The following TTN variants were observed in gnomAD, a reference collection of about 807,000 sequenced individuals.
The protein encoded by TTN is connectin.
A neutral mutation model predicts 3,223.0 loss-of-function variants in TTN; 1,525 were observed. That is an observed-to-expected ratio of 0.47 (90% CI 0.45 to 0.49). The LOEUF (loss-of-function observed/expected upper bound fraction) is 0.49, where lower values mean the gene tolerates loss of function less well. Among genes scored for constraint, TTN ranks in the 20% least tolerant of loss-of-function variants. TTN has a pLI of 0.00. For synonymous variants in TTN, 14,094 were observed against 15,161.0 expected, an observed-to-expected ratio of 0.93 and a Z score of 5.17; for missense variants, 40,786 against 43,424.0, an observed-to-expected ratio of 0.94 and a Z score of 5.40.
Position 178,719,967 on chromosome 2 carries a change from G to A in TTN, c.23659+16C>T, listed in dbSNP as rs767811341. Reference sequence around the variant, plus strand: ...AAGTAAATTGATTTTTTCTCTGGCTGTGCTTTGCTACTAACCTAGTACAGT... The same window carrying A: ...AAGTAAATTGATTTTTTCTCTGGCTATGCTTTGCTACTAACCTAGTACAGT... On this transcript the variant is annotated intron_variant, in intron 81 of 362. Transcript: ENST00000589042. 14 of 1,573,176 alleles carry A rather than the reference G, an allele frequency of 8.9e-6. No individual in the cohort carries two copies. In the South Asian group the frequency reaches 1.7e-4, roughly 19 times the overall value.
In TTN at chr2:178,634,624, C is replaced by T. The variant is rs759050071; in HGVS notation, c.42157G>A (p.Glu14053Lys). Residue 14053 changes from glutamate to lysine, a missense_variant, in exon 230 of 363, where the codon GAA becomes AAA. Glu to Lys is a moderately conservative substitution (Grantham distance 56). Transcript: ENST00000589042. The surrounding 1 kb of genome is among the most constrained non-coding windows in gnomAD (Gnocchi z 4.6). ...TTAILTVKEI[E>K]LDFAVPLKDV... is the part of the protein sequence containing the mutation. ...TTCAGGGGCACAGCAAAGTCAAGTT[C>T]GATTTCTGAAAATCAGACATTAAGA... The T allele has an allele frequency of 5.0e-6, 8 of 1,612,576 alleles. 1 individual carries two copies. In the African/African-American group the frequency reaches 5.4e-5, roughly 11 times the overall value.
intron 295 of TTN, among the ~76,000 whole-genome samples, chr2:178,594,957 TA>T (rs201928192): frequency 6.6e-6 from 1 of 151,298 alleles, no homozygotes; most frequent in Non-Finnish European, 1.5e-5. Context: ...AGTGGGAAAT[TA>T]AAAAAAAATC....
chr2:178,652,960 A>G (rs1053369822), intron 199 of TTN, 29 bp from the exon 200 acceptor site: 1 of 1,602,278 alleles, frequency 6.2e-7, no homozygotes, highest in Non-Finnish European at 8.5e-7. Flanking sequence ...AATTACATTT[A>G]GAAGTTTGAA....
At chr2:178,664,414 T>C in intron 168 of TTN, 46 bp downstream of exon 168, 2 of 1,435,120 alleles carry the variant, frequency 1.4e-6, no homozygotes, top group African/African-American at 1.4e-5. Flanking sequence ...GTCCTTTCTA[T>C]CGCCCCACCC....
rs760371027 is a variant in TTN at position 178,542,883 on chromosome 2, A to G, written c.96971T>C (p.Val32324Ala). The G allele has an allele frequency of 1.5e-5, 24 of 1,613,520 alleles. No individual in the cohort carries two copies. Among genetic ancestry groups the G allele is most frequent in the South Asian group, 2.2e-5 (2 of 91,066 alleles). ...KTIHVPAGRP[V>A]ELVIPIAGRP... ...GCCAGCAATAGGTATCACCAGCTCTACTGGTCTGCCAGCTGGGACATGGAT... is the reference window on the plus strand; with the variant it reads ...GCCAGCAATAGGTATCACCAGCTCTGCTGGTCTGCCAGCTGGGACATGGAT... The change falls in exon 348 of 363, where the codon GTA becomes GCA. Residue 32324 changes from valine to alanine, a missense_variant. Transcript: ENST00000589042.
rs796106605 is a variant in TTN, at chr2:178,799,515, C to T, written c.886G>A (p.Val296Met). 1.5e-5 allele frequency: 24 copies of T among 1,614,012 alleles called. No homozygotes were observed. The highest frequency in any genetic ancestry group is 2.0e-5 in the Non-Finnish European group (24 of 1,180,016). The change falls in exon 6 of 363, where the codon GTG (valine) becomes ATG (methionine). Residue 296 changes from valine (V) to methionine (M), a missense_variant. Coordinates refer to ENST00000589042, the MANE Select transcript of TTN (RefSeq NM_001267550.2). Reference sequence around the variant, plus strand: ...ACCGGAGATGGGGTCGGTGCCCGCACGTGTCTGACCGGGGAAGGGGAGTGT... The same window carrying T: ...ACCGGAGATGGGGTCGGTGCCCGCATGTGTCTGACCGGGGAAGGGGAGTGT... The part of the protein sequence containing the change: ...IRHSPSPVRH[V>M]RAPTPSPVRS...
intron 84 of TTN, 25 bp from the exon 85 acceptor site, chr2:178,718,625 A>G (rs1560645552): frequency 1.9e-6 from 3 of 1,603,968 alleles, no homozygotes; most frequent in Non-Finnish European, 2.6e-6. Flanking sequence ...CATGTGGGTA[A>G]AATTCTTGCC....
rs1226202295 is a variant in TTN at position 178,714,426 on chromosome 2, A to G, written c.26348T>C (p.Ile8783Thr). Residue 8783 changes from isoleucine to threonine, a missense_variant, in exon 91 of 363, where the codon ATA becomes ACA. Ile to Thr is a moderately conservative substitution (Grantham distance 89). Coordinates refer to ENST00000589042, the MANE Select transcript of TTN (RefSeq NM_001267550.2). ...AATGTTTTCTGAATAAGAAATCCAT[A>G]TGTTGTCACTTTCTCTAACGATTTC... ...KGEIVRESDN[I>T]WISYSENIAT... The G allele has an allele frequency of 1.2e-6, 2 of 1,613,778 alleles. No individual in the cohort carries two copies. The highest frequency in any genetic ancestry group is 2.2e-5 in the East Asian group (1 of 44,872).
intron 6 of TTN, 33 bp downstream of exon 6, chr2:178,799,454 T>A: frequency 6.2e-7 from 1 of 1,613,704 alleles, no homozygotes; most frequent in Non-Finnish European, 8.5e-7. Context: ...TTCCAAAATG[T>A]GCAATAATCT....
At chr2:178,681,802 A>G (rs1577347628) in intron 135 of TTN, 64 bp from the exon 136 acceptor site, 2 of 1,354,018 alleles carry the variant, frequency 1.5e-6, no homozygotes, top group African/African-American at 1.5e-5. Context: ...CATTTCTTAA[A>G]AGGAATCAAA....
chr2:178,800,395 C>A lies in TTN; in HGVS notation c.583G>T (p.Gly195Cys). Reference sequence around the variant, plus strand: ...CTGTTCCTCAACCTCCAGCACGTACCTTGAACCAGTAATTCAGCAGTCGAA... The same window carrying A: ...CTGTTCCTCAACCTCCAGCACGTACATTGAACCAGTAATTCAGCAGTCGAA... ...ATSTAELLVQ[G>C]EEEVPAKKTK... The change falls in exon 4 of 363, where the codon GGT (glycine) becomes TGT (cysteine). Residue 195 changes from glycine to cysteine, a missense_variant and splice_region_variant. Gly to Cys is a radical substitution (Grantham distance 159). Transcript: ENST00000589042. 4 of 1,614,144 alleles carry A rather than the reference C, an allele frequency of 2.5e-6. No homozygotes were observed. Among genetic ancestry groups the A allele is most frequent in the Non-Finnish European group, 3.4e-6 (4 of 1,179,996 alleles).
In TTN at chr2:178,611,616, A is replaced by T. The variant is rs773359946; in HGVS notation, c.50613T>A (p.Ile16871=). ...CATTTTTCTCTGGAGGCTTCCAAGC[A>T]ATGGCAATGTGTTTTCTCCCAGCAT... is the stretch of plus-strand genomic sequence containing the variant. The part of the protein sequence containing the change: ...VTDAGRKHIA[I]AWKPPEKNGG... Residue 16871 remains isoleucine (I), a synonymous_variant, in exon 269 of 363, where the codon ATT becomes ATA. Transcript: ENST00000589042. 6.2e-7 allele frequency: 1 copy of T among 1,613,076 alleles called. No individual in the cohort carries two copies. The highest frequency in any genetic ancestry group is 1.3e-5 in the African/African-American group (1 of 75,010).
In TTN at chr2:178,530,103, C is replaced by G. The variant is rs373369136; in HGVS notation, c.106388G>C (p.Gly35463Ala). 6.6e-5 allele frequency: 105 copies of G among 1,601,592 alleles called. No homozygotes were observed. Among genetic ancestry groups the G allele is most frequent in the Non-Finnish European group, 8.6e-5 (101 of 1,176,954 alleles). The stretch of plus-strand genomic sequence containing the variant: ...GTCTTCAGAGAGTTTATATTTACCT[C>G]CTTGTGTAATGGCCTGTAGAATGCA... ...WTKDGKAITQ[G>A]GKYKLSEDKG... Residue 35463 changes from glycine (G) to alanine (A), a missense_variant, in exon 359 of 363, where the codon GGA (glycine) becomes GCA (alanine). By Grantham distance (60) the Gly-to-Ala change is moderately conservative. Coordinates refer to ENST00000589042, the MANE Select transcript of TTN (RefSeq NM_001267550.2).
At position 178,652,838 on chromosome 2, in the gene TTN, T is replaced by G. The variant is rs1163182835; in HGVS notation, c.38959+10A>C. The G allele has an allele frequency of 6.2e-7, 1 of 1,609,916 alleles. No individual in the cohort carries two copies. The highest frequency in any genetic ancestry group is 1.7e-5 in the Admixed American group (1 of 59,192). On this transcript the variant is annotated intron_variant, in intron 200 of 362. Coordinates refer to ENST00000589042, the MANE Select transcript of TTN (RefSeq NM_001267550.2). ...TTGATCTTCTGAAGCCTAAAGCCAG[T>G]GACAAATACCTTTAACAGGAGGGAC... is the stretch of plus-strand genomic sequence containing the variant.
At position 178,567,462 on chromosome 2, in the gene TTN, T is replaced by C. The variant is rs1480422530; in HGVS notation, c.78670A>G (p.Thr26224Ala). The C allele has an allele frequency of 6.2e-7, 1 of 1,613,028 alleles. No homozygotes were observed. The highest frequency in any genetic ancestry group is 8.5e-7 in the Non-Finnish European group (1 of 1,179,428). The change falls in exon 326 of 363, where the codon ACC becomes GCC. Residue 26224 changes from threonine (T) to alanine (A), a missense_variant. By Grantham distance (58) the Thr-to-Ala change is moderately conservative. Coordinates refer to ENST00000589042, the MANE Select transcript of TTN (RefSeq NM_001267550.2). ...EADVHGKPLP[T>A]IEWLRGDKEI... ...TTATCTCCTCTTAACCACTCAATGG[T>C]AGGTAGGGGCTTTCCATGGACATCA...
intron 159 of TTN, among the ~76,000 whole-genome samples, chr2:178,668,228 A>G (rs936278537): frequency 6.6e-6 from 1 of 152,218 alleles, no homozygotes. Context: ...GAAAATTAAA[A>G]AAATTAAATA....
In TTN at chr2:178,701,430, C is replaced by G. The variant is rs530066369; in HGVS notation, c.30598+98G>C. The G allele has an allele frequency of 1.5e-4, 190 of 1,297,640 alleles. 1 individual carries two copies. In the South Asian group the frequency reaches 2.6e-3, roughly 17 times the overall value. The allele number at this position is 1,297,640 out of a possible 1,614,324, so 80.4% of individuals were successfully genotyped here. A position where few individuals can be genotyped will look rare whatever the true frequency, so the allele number is the denominator to read the frequency against. ...TATGACATGGAAGGTTTTGTTCTGA[C>G]TCTGCTGCAGTTTGGTCGCTGGTAT... On this transcript the variant is annotated intron_variant, in intron 110 of 362. Transcript: ENST00000589042.
At chr2:178,742,280 T>C (rs2082635536) in intron 47 of TTN, among the ~76,000 whole-genome samples, 1 of 152,138 alleles carries the variant, frequency 6.6e-6, no homozygotes, top group Non-Finnish European at 1.5e-5. Flanking sequence ...AATCAACTTC[T>C]AAAAAGATCC....
At position 178,695,947 on chromosome 2, in the gene TTN, T is replaced by G; in HGVS notation, c.31125A>C (p.Glu10375Asp). The G allele has an allele frequency of 6.5e-7, 1 of 1,527,346 alleles. No homozygotes were observed. Among genetic ancestry groups the G allele is most frequent in the Non-Finnish European group, 8.8e-7 (1 of 1,137,384 alleles). 94.6% of individuals were successfully genotyped at this position (1,527,346 alleles called of 1,614,324 possible). A position where few individuals can be genotyped will look rare whatever the true frequency, so the allele number is the denominator to read the frequency against. ...ACTCTTCCTCCCCTTCGTCATAGCC[T>G]TCTTCCCTTTCATAGTATTCTTGCC... ...EEGQEYYEREEGYDEGEEEWE... is the reference protein window; with the variant it reads ...EEGQEYYEREDGYDEGEEEWE... Residue 10375 changes from glutamate (E) to aspartate (D), a missense_variant, in exon 114 of 363, where the codon GAA becomes GAC. By Grantham distance (45) the Glu-to-Asp change is conservative (BLOSUM62 2). Coordinates refer to ENST00000589042, the MANE Select transcript of TTN (RefSeq NM_001267550.2).
Sources: gnomAD v4.1 joint callset for allele counts (sites outside exome capture counted in the v4.1 genomes callset) on GRCh38, gnomAD v4.1.1 for gene constraint, Gnocchi (gnomAD v3.1) non-coding constraint, MANE v1.5 for transcripts, NCBI Gene and HGNC (gene_info 2026-07-23, HGNC 2026-07-21) for gene names.